The following SPTBN5 variants were observed in gnomAD, a reference collection of about 807,000 sequenced individuals.
SPTBN5 encodes spectrin beta chain, non-erythrocytic 5.
In SPTBN5, 513 loss-of-function variants were observed where a neutral mutation model predicts 477.6. The observed-to-expected ratio is 1.07, with a 90% CI of 1.00 to 1.16. The LOEUF is 1.16. Among genes scored for constraint, SPTBN5 ranks in the 50% most tolerant of loss-of-function variants. The pLI is 0.00. For synonymous variants in SPTBN5, 2,169 were observed against 2,011.7 expected (o/e 1.08, Z -2.09); for missense variants, 5,062 against 4,731.8 (o/e 1.07, Z -2.05).
Position 41,882,552 on chromosome 15 carries a change from GGCGACCGGCGGGC to G in SPTBN5, c.2046+20_2046+32del. 2 of 1,595,660 alleles carry G rather than the reference GGCGACCGGCGGGC, an allele frequency of 1.3e-6. No homozygotes were observed. The highest frequency in any genetic ancestry group is 1.7e-6 in the Non-Finnish European group (2 of 1,172,586). ...GCCCGAGAGGGAAGGGCAAGGCGCTGGCGACCGGCGGGCGCGCTCGGGGAGCTGACACCTTGTG... is the reference window on the plus strand; with the variant it reads ...GCCCGAGAGGGAAGGGCAAGGCGCTGGCGCTCGGGGAGCTGACACCTTGTG... On this transcript the variant is annotated intron_variant, in intron 10 of 67. Coordinates refer to ENST00000320955, the MANE Select transcript of SPTBN5 (RefSeq NM_016642.4).
intron 63 of SPTBN5, 68 bp downstream of exon 63, chr15:41,851,711 C>T (rs1360193039): frequency 8.1e-7 from 1 of 1,233,320 alleles, no homozygotes; most frequent in Non-Finnish European, 1.2e-6. Context: ...GCCCAGATGG[C>T]TCTTCGAGCC....
In SPTBN5 at chr15:41,882,668, G is replaced by GC; in HGVS notation, c.1962dup (p.Leu655AlafsTer33). On this transcript the variant is annotated frameshift_variant, in exon 10 of 68. Transcript: ENST00000320955. LOFTEE classifies it high-confidence loss of function. ...CCCACCCGCTGTCCGCACTCCTTCA[G>GC]CCAGGCTTCCTCCTCCTCACAGTTG... 1 of 1,608,668 alleles carries GC rather than the reference G, an allele frequency of 6.2e-7. No individual in the cohort carries two copies.
chr15:41,851,855 A>G lies in SPTBN5; in HGVS notation c.10585-5T>C. On this transcript the variant is annotated splice_region_variant and splice_polypyrimidine_tract_variant and intron_variant, in intron 62 of 67. Coordinates refer to ENST00000320955, the MANE Select transcript of SPTBN5 (RefSeq NM_016642.4). ...GGTGGGGGTACCCTTTGCATCCTGA[A>G]AATGCAAGATGGGGCCCAGAAATGT... The G allele has an allele frequency of 6.2e-7, 1 of 1,608,024 alleles. No individual in the cohort carries two copies.
chr15:41,873,823 A>T (rs570326031), intron 25 of SPTBN5, 22 bp downstream of exon 25: 1 of 1,606,568 alleles, frequency 6.2e-7, no homozygotes, highest in South Asian at 1.1e-5. Context: ...TCTTCCCCCA[A>T]CCCCACCTCT....
At position 41,873,914 on chromosome 15, in the gene SPTBN5, G is replaced by T; in HGVS notation, c.4821C>A (p.His1607Gln). The change falls in exon 25 of 68, where the codon CAC becomes CAA. Residue 1607 changes from histidine (H) to glutamine (Q), a missense_variant. Physicochemically the swap from His to Gln is conservative, Grantham distance 24 (BLOSUM62 0). Coordinates refer to ENST00000320955, the MANE Select transcript of SPTBN5 (RefSeq NM_016642.4). ...CACATGCCCTCTCCAGCTCTGCCCA[G>T]TGGCCTTCCAGCTCCTGGCACTGCT... ...IVEQCQELEG[H>Q]WAELERACEA... The T allele has an allele frequency of 6.2e-7, 1 of 1,611,266 alleles. No homozygotes were observed. The highest frequency in any genetic ancestry group is 8.5e-7 in the Non-Finnish European group (1 of 1,179,890).
In SPTBN5 at chr15:41,860,735, G is replaced by A. The variant is rs567837153; in HGVS notation, c.7839C>T (p.Pro2613=). The change falls in exon 47 of 68, where the codon CCC becomes CCT. Residue 2613 remains proline, a synonymous_variant. Coordinates refer to ENST00000320955, the MANE Select transcript of SPTBN5 (RefSeq NM_016642.4). The part of the protein sequence containing the change: ...GLWDPLAPME[P]LLWKHKMLEW... Reference sequence around the variant, plus strand: ...CCAGCATCTTGTGCTTCCACAGAAGGGGCTCCATGGGGGCCAAGGGGTCCT... The same window carrying A: ...CCAGCATCTTGTGCTTCCACAGAAGAGGCTCCATGGGGGCCAAGGGGTCCT... The A allele has an allele frequency of 5.1e-5, 82 of 1,596,226 alleles. No individual in the cohort carries two copies. The highest frequency in any genetic ancestry group is 4.9e-4 in the South Asian group (43 of 87,310).
At chr15:41,872,622 C>T (rs2066585717) in intron 26 of SPTBN5, among the ~76,000 whole-genome samples, 163 bp from the exon 27 acceptor site, 1 of 152,204 alleles carries the variant, frequency 6.6e-6, no homozygotes, top group African/African-American at 2.4e-5. Flanking sequence ...CATCCATCTA[C>T]CCATTACTGA....
chr15:41,888,136 A>G (rs1175982340), intron 4 of SPTBN5, 51 bp from the exon 5 acceptor site: 1 of 1,527,332 alleles, frequency 6.5e-7, no homozygotes, highest in Admixed American at 2.0e-5. Context: ...GTGGGGAGGC[A>G]GAGAGCCTGC....
At position 41,857,012 on chromosome 15, in the gene SPTBN5, C is replaced by T; in HGVS notation, c.8649G>A (p.Gln2883=). ...GGGCCTCCAGGGCCGTCCTGCGCTC[C>T]TGCAGGGGCTCCCTCAGGCTCTTGA... is the stretch of plus-strand genomic sequence containing the variant. ...QRFKSLREPL[Q]ERRTALEARS... Residue 2883 remains glutamine (Q), a synonymous_variant, in exon 52 of 68, where the codon CAG becomes CAA. Coordinates refer to ENST00000320955, the MANE Select transcript of SPTBN5 (RefSeq NM_016642.4). 6.2e-7 allele frequency: 1 copy of T among 1,605,366 alleles called. No homozygotes were observed. The highest frequency in any genetic ancestry group is 8.5e-7 in the Non-Finnish European group (1 of 1,176,686).
intron 24 of SPTBN5, 71 bp from the exon 25 acceptor site, chr15:41,874,116 C>T (rs1218180578): frequency 1.3e-6 from 2 of 1,525,514 alleles, no homozygotes; most frequent in African/African-American, 2.7e-5. Context: ...ATGGATGTGG[C>T]TCCAGGCCCC....
Position 41,866,967 on chromosome 15 carries a change from C to A in SPTBN5, c.6472G>T (p.Ala2158Ser), listed in dbSNP as rs754338822. 1.3e-5 allele frequency: 21 copies of A among 1,573,452 alleles called. No individual in the cohort carries two copies. Among genetic ancestry groups the A allele is most frequent in the Admixed American group, 1.8e-5 (1 of 54,682 alleles). The change falls in exon 36 of 68, where the codon GCA becomes TCA. Residue 2158 changes from alanine to serine, a missense_variant. Coordinates refer to ENST00000320955, the MANE Select transcript of SPTBN5 (RefSeq NM_016642.4). Reference sequence around the variant, plus strand: ...TGGGGGTGCCCTCTGACCTGGGTTGCGGCCTGGGTGAAGCTGGCCATCAGC... The same window carrying A: ...TGGGGGTGCCCTCTGACCTGGGTTGAGGCCTGGGTGAAGCTGGCCATCAGC... Reference protein sequence around the residue: ...SLLMASFTQAATQAEDWIQAW... With the variant: ...SLLMASFTQASTQAEDWIQAW...
rs766591983 is a variant in SPTBN5 at position 41,862,916 on chromosome 15, C to T, written c.7150-13G>A. 37 of 1,560,450 alleles carry T rather than the reference C, an allele frequency of 2.4e-5. No individual in the cohort carries two copies. Among genetic ancestry groups the T allele is most frequent in the Non-Finnish European group, 3.0e-5 (35 of 1,153,238 alleles). ...GGATCAGGGCTTCCTGGAGGAGGGGCACGGCCAGTTACCTGCTGGGCCTTT... is the reference window on the plus strand; with the variant it reads ...GGATCAGGGCTTCCTGGAGGAGGGGTACGGCCAGTTACCTGCTGGGCCTTT... On this transcript the variant is annotated splice_polypyrimidine_tract_variant and intron_variant, in intron 41 of 67. Transcript: ENST00000320955.
Position 41,853,580 on chromosome 15 carries a change from A to G in SPTBN5, c.9980+2T>C. On this transcript the variant is annotated splice_donor_variant, in intron 58 of 67. Transcript: ENST00000320955. LOFTEE classifies it high-confidence loss of function. Reference sequence around the variant, plus strand: ...AGCCGGCAGCTGAGGTAGGACACCTACAGCAGTTCCTGGCAGCGCCCGAGG... The same window carrying G: ...AGCCGGCAGCTGAGGTAGGACACCTGCAGCAGTTCCTGGCAGCGCCCGAGG... The G allele has an allele frequency of 1.3e-6, 2 of 1,569,360 alleles. No homozygotes were observed. The highest frequency in any genetic ancestry group is 2.3e-5 in the South Asian group (2 of 87,838).
In SPTBN5 at chr15:41,876,596, C is replaced by T; in HGVS notation, c.3903G>A (p.Gly1301=). The T allele has an allele frequency of 2.5e-6, 4 of 1,608,026 alleles. No homozygotes were observed. The highest frequency in any genetic ancestry group is 1.7e-5 in the Admixed American group (1 of 59,262). The change falls in exon 20 of 68, where the codon GGG becomes GGA. Residue 1301 remains glycine, a synonymous_variant. Coordinates refer to ENST00000320955, the MANE Select transcript of SPTBN5 (RefSeq NM_016642.4). ...SIQAQWTRLQ[G]RSEQRRRQLL... is the part of the protein sequence containing the mutation. Reference sequence around the variant, plus strand: ...ACTGCCTCCTCCTCTGCTCACTCCTCCCCTGGAGCCTGGTCCACTGTGCCT... The same window carrying T: ...ACTGCCTCCTCCTCTGCTCACTCCTTCCCTGGAGCCTGGTCCACTGTGCCT...
chr15:41,853,760 C>T lies in SPTBN5; in HGVS notation c.9802G>A (p.Val3268Met). The T allele has an allele frequency of 6.3e-7, 1 of 1,575,550 alleles. No individual in the cohort carries two copies. Among genetic ancestry groups the T allele is most frequent in the Non-Finnish European group, 8.6e-7 (1 of 1,160,708 alleles). Residue 3268 changes from valine (V) to methionine (M), a missense_variant, in exon 58 of 68, where the codon GTG (valine) becomes ATG (methionine). Physicochemically the swap from Val to Met is conservative, Grantham distance 21. Transcript: ENST00000320955. ...ERELEAMEKE[V>M]ARLQTEACRL... ...CAGGCCTCCGTCTGTAGCCGTGCCA[C>T]CTCCTTCTCCATAGCTTCCAGCTCT... is the stretch of plus-strand genomic sequence containing the variant.
intron 13 of SPTBN5, among the ~76,000 whole-genome samples, chr15:41,880,610 G>A (rs1247893273): frequency 2.6e-5 from 4 of 152,212 alleles, no homozygotes; most frequent in Admixed American, 6.5e-5. Context: ...TGAAATCCAC[G>A]CCGCTCCCTC....
intron 63 of SPTBN5, 112 bp downstream of exon 63, chr15:41,851,667 G>C (rs368864967): frequency 3.9e-6 from 3 of 777,520 alleles, no homozygotes; most frequent in East Asian, 2.6e-5. Context: ...GTGGGGGGTG[G>C]CATCTGCCCA....
chr15:41,850,879 C>T lies in SPTBN5; in HGVS notation c.10896G>A (p.Trp3632Ter), dbSNP rs200614333. Reference protein sequence around the residue: ...AAPSEEQAESWWRALGSTAAQ... With the variant: ...AAPSEEQAES ...CTGCAGTGCTGCCCAGGGCTCGCCACCAGCTCTCAGCCTGCTCTTCGGACG... is the reference window on the plus strand; with the variant it reads ...CTGCAGTGCTGCCCAGGGCTCGCCATCAGCTCTCAGCCTGCTCTTCGGACG... The change falls in exon 66 of 68, where the codon TGG becomes TGA. Residue 3632 changes from tryptophan (W) to a stop codon, truncating the protein, a stop_gained. Transcript: ENST00000320955. LOFTEE classifies it high-confidence loss of function. 2.2e-4 allele frequency: 359 copies of T among 1,602,872 alleles called. No individual in the cohort carries two copies. Among genetic ancestry groups the T allele is most frequent in the Non-Finnish European group, 2.7e-4 (321 of 1,175,590 alleles).
At position 41,887,290 on chromosome 15, in the gene SPTBN5, T is replaced by C. The variant is rs185347668; in HGVS notation, c.811A>G (p.Met271Val). 5.2e-6 allele frequency: 8 copies of C among 1,551,300 alleles called. No individual in the cohort carries two copies. In the East Asian group the frequency reaches 1.7e-4, roughly 33 times the overall value. The change falls in exon 6 of 68, where the codon ATG (methionine) becomes GTG (valine). Residue 271 changes from methionine (M) to valine (V), a missense_variant. Physicochemically the swap from Met to Val is conservative, Grantham distance 21. Coordinates refer to ENST00000320955, the MANE Select transcript of SPTBN5 (RefSeq NM_016642.4). ...TGGTAGTAGAGGGAGACGTAGGTCA[T>C]GATAGAGCGCTCATCTGGCTGTGCG... is the stretch of plus-strand genomic sequence containing the variant. ...AAAQPDERSIMTYVSLYYHYC... is the reference protein window; with the variant it reads ...AAAQPDERSIVTYVSLYYHYC...
Sources: gnomAD v4.1 joint callset for allele counts (sites outside exome capture counted in the v4.1 genomes callset) on GRCh38, gnomAD v4.1.1 for gene constraint, MANE v1.5 for transcripts, NCBI Gene and HGNC (gene_info 2026-07-23, HGNC 2026-07-21) for gene names.